SOX5: variants seen among roughly 807,000 people sequenced by gnomAD.
The protein encoded by SOX5 is transcription factor SOX-5.
SOX5 carries 9 observed loss-of-function variants against 92.0 expected under a neutral mutation model. The observed-to-expected ratio is 0.10, with a 90% CI of 0.06 to 0.17. The LOEUF (loss-of-function observed/expected upper bound fraction) is 0.17. Ranked by LOEUF, SOX5 falls within the 10% of genes least tolerant of loss-of-function variation. The pLI is 1.00. For missense variants in SOX5, 642 were observed against 944.5 expected, an observed-to-expected ratio of 0.68 and a Z score of 4.20; for synonymous variants, 344 against 336.3, an observed-to-expected ratio of 1.02 and a Z score of -0.25.
chr12:23,668,499 G>A (rs1242792767), intron 6 of SOX5, among the ~76,000 whole-genome samples: 3 of 152,064 alleles, frequency 2.0e-5, no homozygotes, highest in East Asian at 3.8e-4. Context: ...ATATCAAAAC[G>A]ATATGTTTTC....
chr12:24,215,800 G>GA lies in SOX5; in HGVS notation c.-76-2384dup, dbSNP rs772664873. Among the ~76,000 whole-genome samples the GA allele has an allele frequency of 7.7e-3, 1,031 of 133,138 alleles. 13 individuals carry two copies. The highest frequency in any genetic ancestry group is 0.035 in the Admixed American group (463 of 13,256). The allele number at this position is 133,138 out of a possible 152,430, so 87.3% of individuals were successfully genotyped here. A position where few individuals can be genotyped will look rare whatever the true frequency, so the allele number is the denominator to read the frequency against. On this transcript the variant is annotated intron_variant, in intron 3 of 4. Coordinates refer to the SOX5 transcript ENST00000446891. ...AGTCCAAAATAGCTACATCGATCCT[G>GA]AAAAAAAAAAAAGAAAGAAAAAGGG...
chr12:23,614,357 G>A (rs1026141709), intron 8 of SOX5, among the ~76,000 whole-genome samples: 7 of 152,040 alleles, frequency 4.6e-5, no homozygotes, highest in Admixed American at 3.9e-4. Flanking sequence ...ACTTCTCTTT[G>A]GCCAGATGTG....
intron 3 of SOX5, among the ~76,000 whole-genome samples, chr12:23,832,690 C>A (rs1269946462): frequency 2.0e-5 from 3 of 151,562 alleles, no homozygotes. Flanking sequence ...GCATTGCCAA[C>A]TGAGGGCAGA....
intron 3 of SOX5, among the ~76,000 whole-genome samples, chr12:23,805,153 CAT>C (rs1279772596): frequency 6.6e-6 from 1 of 151,240 alleles, no homozygotes; most frequent in Non-Finnish European, 1.5e-5. Flanking sequence ...GTGCTCATCA[CAT>C]GTTTTGAACT....
At chr12:24,169,972 G>A (rs552520961) in intron 4 of SOX5, among the ~76,000 whole-genome samples, 2 of 152,124 alleles carry the variant, frequency 1.3e-5, no homozygotes, top group African/African-American at 2.4e-5. Context: ...CACAAAGGGC[G>A]TCCTGGGAGA....
intron 1 of SOX5, among the ~76,000 whole-genome samples, chr12:24,541,325 G>T (rs1057417580): frequency 2.6e-5 from 4 of 152,134 alleles, no homozygotes; most frequent in Non-Finnish European, 2.9e-5. Context: ...TCGGTAAAAG[G>T]TTGCTTTCAT....
intron 1 of SOX5, among the ~76,000 whole-genome samples, chr12:24,521,647 A>C (rs1244583053): frequency 6.6e-6 from 1 of 152,212 alleles, no homozygotes; most frequent in Non-Finnish European, 1.5e-5. Context: ...GAAATCAATA[A>C]CAGCAAGAAA....
chr12:23,876,123 T>C (rs1009141153), intron 2 of SOX5, among the ~76,000 whole-genome samples: 2 of 152,168 alleles, frequency 1.3e-5, no homozygotes, highest in Non-Finnish European at 2.9e-5. Context: ...ACTAACTCTT[T>C]TTAGGCATGG....
chr12:23,852,884 T>G (rs577477088), intron 2 of SOX5, among the ~76,000 whole-genome samples: 1 of 152,046 alleles, frequency 6.6e-6, no homozygotes, highest in African/African-American at 2.4e-5. Flanking sequence ...GCCTTCCATG[T>G]GAGACTGAAG....
At chr12:23,739,192 A>C (rs1056536323) in intron 5 of SOX5, among the ~76,000 whole-genome samples, 15 of 152,216 alleles carry the variant, frequency 9.9e-5, no homozygotes, top group African/African-American at 3.4e-4. Context: ...TGGTGAATGG[A>C]CTATGCCCAG....
At chr12:24,293,345 C>T (rs909939277) in intron 2 of SOX5, among the ~76,000 whole-genome samples, 2 of 152,210 alleles carry the variant, frequency 1.3e-5, no homozygotes, top group Admixed American at 6.5e-5. Flanking sequence ...GACAAACCTG[C>T]CTGTGGTTTT....
rs2083644057 is a variant in SOX5, at chr12:23,665,467, C to G, written c.908G>C (p.Gly303Ala). 3 of 1,613,502 alleles carry G rather than the reference C, an allele frequency of 1.9e-6. No individual in the cohort carries two copies. Among genetic ancestry groups the G allele is most frequent in the Non-Finnish European group, 2.5e-6 (3 of 1,179,602 alleles). ...AAQQGFLLPP[G>A]FSYKAGCSDP... ...ACTACATCCAGCCTTATAGCTGAAGCCTGGAGGGAGGAGGAATCCTTGCTG... is the reference window on the plus strand; with the variant it reads ...ACTACATCCAGCCTTATAGCTGAAGGCTGGAGGGAGGAGGAATCCTTGCTG... Residue 303 changes from glycine (G) to alanine (A), a missense_variant, in exon 7 of 15, where the codon GGC becomes GCC. This residue lies in a region of SOX5 where 324 missense variants were observed against 461.6 expected (regional missense o/e 0.70). Coordinates refer to ENST00000451604, the MANE Select transcript of SOX5 (RefSeq NM_006940.6).
At chr12:23,593,116 T>TA (rs938139896) in intron 9 of SOX5, among the ~76,000 whole-genome samples, 7 of 151,780 alleles carry the variant, frequency 4.6e-5, no homozygotes, top group African/African-American at 7.3e-5. Context: ...ACTGTTTCCT[T>TA]AAAAAAAATA....
rs113222335 is a variant in SOX5 at position 24,212,303 on chromosome 12, T to C, written c.-2+1040A>G. On this transcript the variant is annotated intron_variant, in intron 4 of 4. Coordinates refer to the SOX5 transcript ENST00000446891. Reference sequence around the variant, plus strand: ...TAACAAAATCTCTGAGGCATCCAGATAGAATAACTTTAAGCTTAGTTCCTT... The same window carrying C: ...TAACAAAATCTCTGAGGCATCCAGACAGAATAACTTTAAGCTTAGTTCCTT... 4.0e-3 allele frequency: 1,924 copies of C among 486,608 alleles called. 34 individuals are homozygous for C. The highest frequency in any genetic ancestry group is 0.034 in the African/African-American group (1,683 of 49,208). The allele number at this position is 486,608 out of a possible 1,614,324, so 30.1% of individuals were successfully genotyped here. A position where few individuals can be genotyped will look rare whatever the true frequency, so the allele number is the denominator to read the frequency against.
chr12:23,712,144 A>T (rs2092113692), intron 6 of SOX5, among the ~76,000 whole-genome samples: 1 of 152,158 alleles, frequency 6.6e-6, no homozygotes, highest in South Asian at 2.1e-4. Context: ...CCAATACATC[A>T]GCCACAACTC....
intron 1 of SOX5, among the ~76,000 whole-genome samples, chr12:24,546,389 C>T (rs1017895882): frequency 7.2e-5 from 11 of 152,162 alleles, no homozygotes; most frequent in African/African-American, 1.9e-4. Context: ...ATGGCCTACA[C>T]GACAGAATCT....
At chr12:23,897,638 T>A (rs2097190747) in intron 1 of SOX5, among the ~76,000 whole-genome samples, 1 of 151,910 alleles carries the variant, frequency 6.6e-6, no homozygotes, top group Non-Finnish European at 1.5e-5. Flanking sequence ...ACAAAAACAC[T>A]CAAACATGAG....
chr12:24,501,600 C>T (rs1023618001), intron 1 of SOX5, among the ~76,000 whole-genome samples: 5 of 152,122 alleles, frequency 3.3e-5, no homozygotes, highest in African/African-American at 9.6e-5. Flanking sequence ...CTGAGGTGAG[C>T]GGATTGCTTG....
At chr12:23,805,182 G>A (rs1301833140) in intron 3 of SOX5, among the ~76,000 whole-genome samples, 1 of 151,468 alleles carries the variant, frequency 6.6e-6, no homozygotes, top group African/African-American at 2.4e-5. Context: ...AAATAATATA[G>A]TGTAATAGTT....
Sources: allele counts gnomAD v4.1 joint callset (sites outside exome capture counted in the v4.1 genomes callset), GRCh38; gene constraint gnomAD v4.1.1; regional missense constraint gnomAD v4.1.1; transcripts MANE v1.5; gene names NCBI Gene and HGNC (gene_info 2026-07-23, HGNC 2026-07-21).